Variants in TMEM106B observed in about 807,000 individuals in gnomAD.
TMEM106B encodes transmembrane protein 106B.
TMEM106B carries 15 observed loss-of-function variants against 31.1 expected under a neutral mutation model. That is an observed-to-expected ratio of 0.48 (90% CI 0.32 to 0.74). TMEM106B has a LOEUF of 0.74. Ranked by LOEUF, TMEM106B falls within the 30% of genes least tolerant of loss-of-function variation. TMEM106B has a pLI of 0.03. For synonymous variants in TMEM106B, 126 were observed against 112.5 expected (o/e 1.12, Z -0.76); for missense variants, 283 against 327.3 (o/e 0.86, Z 1.04).
chr7:12,229,737 C>T lies in TMEM106B; in HGVS notation c.500C>T (p.Ala167Val). 6.2e-7 allele frequency: 1 copy of T among 1,612,970 alleles called. No homozygotes were observed. Among genetic ancestry groups the T allele is most frequent in the Non-Finnish European group, 8.5e-7 (1 of 1,179,478 alleles). Residue 167 changes from alanine (A) to valine (V), a missense_variant, in exon 5 of 8, where the codon GCC (alanine) becomes GTC (valine). Ala to Val is a moderately conservative substitution (Grantham distance 64). This residue lies in a region of TMEM106B where 201 missense variants were observed against 211.5 expected (regional missense o/e 0.95). Transcript: ENST00000396668. ...YYSVEVENIT[A>V]QVQFSKTVIG... ...TCTGTCGAAGTTGAAAACATCACTG[C>T]CCAAGTTCAATTTTCAAAAACAGTT...
intron 2 of TMEM106B, among the ~76,000 whole-genome samples, chr7:12,218,186 C>T (rs1009846496): frequency 2.6e-5 from 4 of 151,408 alleles, no homozygotes; most frequent in African/African-American, 9.7e-5. Context: ...CTTCTGAAAG[C>T]TAGGACTTAG....
In TMEM106B at chr7:12,242,038, G is replaced by A. The variant is rs1170390505; in HGVS notation, c.*10063G>A. On this transcript the variant is annotated 3_prime_UTR_variant, in exon 8 of 8. Coordinates refer to ENST00000396668, the MANE Select transcript of TMEM106B (RefSeq NM_001134232.2). Reference sequence around the variant, plus strand: ...TTTCATGTTTGTTGGCTGCATAAATGTCTTCTTTTGAGAAGTGTAAGGTAC... The same window carrying A: ...TTTCATGTTTGTTGGCTGCATAAATATCTTCTTTTGAGAAGTGTAAGGTAC... The A allele has an allele frequency of 2.0e-5, 3 of 151,990 alleles. No homozygotes were observed. The South Asian group carries it at 6.2e-4, about 32-fold the overall frequency. 9.4% of individuals were successfully genotyped at this position (151,990 alleles called of 1,614,324 possible).
At chr7:12,216,989 G>A (rs750194710) in intron 2 of TMEM106B, among the ~76,000 whole-genome samples, 3 of 151,696 alleles carry the variant, frequency 2.0e-5, no homozygotes, top group African/African-American at 4.8e-5. Context: ...AGAGAAGAGA[G>A]GTAGTCATTA....
rs1379873762 is a variant in TMEM106B, at chr7:12,235,931, AGAG to A, written c.*3957_*3959del. The A allele has an allele frequency of 6.6e-6, 1 of 151,840 alleles. No homozygotes were observed. 9.4% of individuals were successfully genotyped at this position (151,840 alleles called of 1,614,324 possible). A position where few individuals can be genotyped will look rare whatever the true frequency, so the allele number is the denominator to read the frequency against. Reference sequence around the variant, plus strand: ...CAACTACTTGGCTCAAGTACATATAAGAGTAATTAGTTTTATTCTCTCTTTTTT... The same window carrying A: ...CAACTACTTGGCTCAAGTACATATAATAATTAGTTTTATTCTCTCTTTTTT... On this transcript the variant is annotated 3_prime_UTR_variant, in exon 8 of 8. Transcript: ENST00000396668.
intron 7 of TMEM106B, chr7:12,231,406 C>G (rs1295479564): frequency 3.3e-6 from 1 of 305,342 alleles, no homozygotes; most frequent in Non-Finnish European, 6.0e-6. Flanking sequence ...ACTCCCTTGA[C>G]AAATAGTCAT....
chr7:12,230,892 C>T (rs1161566032), intron 6 of TMEM106B, 170 bp from the exon 7 acceptor site: 8 of 494,684 alleles, frequency 1.6e-5, no homozygotes, highest in Non-Finnish European at 2.5e-5. Flanking sequence ...ACATGTTTTT[C>T]GAGTAAGAAG....
intron 4 of TMEM106B, among the ~76,000 whole-genome samples, chr7:12,224,889 T>C (rs1213876096): frequency 6.6e-6 from 1 of 152,094 alleles, no homozygotes; most frequent in African/African-American, 2.4e-5. Flanking sequence ...TTTTTAATTA[T>C]TAAGTTCTAG....
rs538243657 is a variant in TMEM106B at position 12,218,104 on chromosome 7, A to G, written c.218-354A>G. Among the ~76,000 whole-genome samples the G allele has an allele frequency of 5.3e-5, 8 of 152,310 alleles. No homozygotes were observed. The South Asian group carries it at 6.2e-4, about 12-fold the overall frequency. The stretch of plus-strand genomic sequence containing the variant: ...GCGATACCAATATGTTTCTTCTTTT[A>G]TCATCCAGACAACCAAATCAGAGTC... On this transcript the variant is annotated intron_variant, in intron 2 of 7. Transcript: ENST00000396668.
intron 2 of TMEM106B, among the ~76,000 whole-genome samples, chr7:12,217,285 A>G (rs994235593): frequency 3.9e-5 from 6 of 152,202 alleles, no homozygotes; most frequent in Admixed American, 1.3e-4. Context: ...AGGTAGGTGG[A>G]TAGATCTGAT....
chr7:12,227,562 C>T (rs1315250300), intron 4 of TMEM106B, among the ~76,000 whole-genome samples: 1 of 135,882 alleles, frequency 7.4e-6, no homozygotes, highest in Non-Finnish European at 1.6e-5. Flanking sequence ...TTTACATGAT[C>T]ATATTATAAT....
At chr7:12,230,750 G>A (rs189937008) in intron 6 of TMEM106B, 7 of 309,590 alleles carry the variant, frequency 2.3e-5, no homozygotes, top group Non-Finnish European at 1.7e-5. Context: ...ATCATCTTTT[G>A]AATAAGCGTA....
Position 12,237,870 on chromosome 7 carries a change from T to C in TMEM106B, c.*5895T>C, listed in dbSNP as rs1471818629. ...ACACACACACACTATTGCTAAAAAA[T>C]GTTAACGATCATCTGAATGTTCAGA... On this transcript the variant is annotated 3_prime_UTR_variant, in exon 8 of 8. Transcript: ENST00000396668. 1 of 149,284 alleles carries C rather than the reference T, an allele frequency of 6.7e-6. No individual in the cohort carries two copies. Among genetic ancestry groups the C allele is most frequent in the Non-Finnish European group, 1.5e-5 (1 of 67,772 alleles). The allele number at this position is 149,284 out of a possible 1,614,324, so 9.2% of individuals were successfully genotyped here. A position where few individuals can be genotyped will look rare whatever the true frequency, so the allele number is the denominator to read the frequency against.
rs1386038962 is a variant in TMEM106B, at chr7:12,235,488, A to G, written c.*3513A>G. Reference sequence around the variant, plus strand: ...ACACACTTCAGATTGTCTGATTTACAGTTTGGAAAGGACACCGCAATGTTC... The same window carrying G: ...ACACACTTCAGATTGTCTGATTTACGGTTTGGAAAGGACACCGCAATGTTC... On this transcript the variant is annotated 3_prime_UTR_variant, in exon 8 of 8. Coordinates refer to ENST00000396668, the MANE Select transcript of TMEM106B (RefSeq NM_001134232.2). 1.3e-5 allele frequency: 2 copies of G among 151,896 alleles called. No individual in the cohort carries two copies. Among genetic ancestry groups the G allele is most frequent in the Non-Finnish European group, 2.9e-5 (2 of 67,822 alleles). The allele number at this position is 151,896 out of a possible 1,614,324, so 9.4% of individuals were successfully genotyped here.
Position 12,241,144 on chromosome 7 carries a change from G to A in TMEM106B, c.*9169G>A, listed in dbSNP as rs1337401900. On this transcript the variant is annotated 3_prime_UTR_variant, in exon 8 of 8. Coordinates refer to ENST00000396668, the MANE Select transcript of TMEM106B (RefSeq NM_001134232.2). ...CACTGATTTCTTATTTTCATTTCATGAATTTCAGATTCATGAATGGAATAT... is the reference window on the plus strand; with the variant it reads ...CACTGATTTCTTATTTTCATTTCATAAATTTCAGATTCATGAATGGAATAT... 4 of 151,998 alleles carry A rather than the reference G, an allele frequency of 2.6e-5. No homozygotes were observed. The highest frequency in any genetic ancestry group is 5.9e-5 in the Non-Finnish European group (4 of 67,994). 9.4% of individuals were successfully genotyped at this position (151,998 alleles called of 1,614,324 possible).
chr7:12,230,636 T>C (rs1562709337), intron 6 of TMEM106B, 198 bp downstream of exon 6: 1 of 405,690 alleles, frequency 2.5e-6, no homozygotes, highest in African/African-American at 2.1e-5. Context: ...AAATTTGTTT[T>C]TTTATTTATT....
chr7:12,228,276 C>T (rs1397350556), intron 4 of TMEM106B, among the ~76,000 whole-genome samples: 1 of 151,798 alleles, frequency 6.6e-6, no homozygotes, highest in African/African-American at 2.4e-5. Context: ...TCTCCTTCAA[C>T]TCATCCCATA....
chr7:12,231,945 A>T lies in TMEM106B; in HGVS notation c.795A>T (p.Glu265Asp). The T allele has an allele frequency of 6.2e-7, 1 of 1,612,138 alleles. No individual in the cohort carries two copies. Among genetic ancestry groups the T allele is most frequent in the Non-Finnish European group, 8.5e-7 (1 of 1,178,672 alleles). The change falls in exon 8 of 8, where the codon GAA (glutamate) becomes GAT (aspartate). Residue 265 changes from glutamate (E) to aspartate (D), a missense_variant. Glu to Asp is a conservative substitution (Grantham distance 45). Coordinates refer to ENST00000396668, the MANE Select transcript of TMEM106B (RefSeq NM_001134232.2). Reference sequence around the variant, plus strand: ...CAACTTATCAGTTGGGGCAGTCTGAATATTTAAATGTACTTCAGCCACAAC... The same window carrying T: ...CAACTTATCAGTTGGGGCAGTCTGATTATTTAAATGTACTTCAGCCACAAC... ...RNTTYQLGQS[E>D]YLNVLQPQQ
At position 12,239,939 on chromosome 7, in the gene TMEM106B, A is replaced by G. The variant is rs1045669409; in HGVS notation, c.*7964A>G. 6.6e-6 allele frequency: 1 copy of G among 152,226 alleles called. No homozygotes were observed. Among genetic ancestry groups the G allele is most frequent in the African/African-American group, 2.4e-5 (1 of 41,478 alleles). The allele number at this position is 152,226 out of a possible 1,614,324, so 9.4% of individuals were successfully genotyped here. ...CATGCTGTTGAAAAAAATGGCACTC[A>G]TAGACTTGTTGGACACAGGATTGAA... On this transcript the variant is annotated 3_prime_UTR_variant, in exon 8 of 8. Coordinates refer to ENST00000396668, the MANE Select transcript of TMEM106B (RefSeq NM_001134232.2).
rs1781605075 is a variant in TMEM106B, at chr7:12,212,728, A to T, written c.-3+1303A>T. 1.3e-5 allele frequency among the ~76,000 whole-genome samples: 2 copies of T among 152,170 alleles called. 1 individual carries two copies. The highest frequency in any genetic ancestry group is 4.1e-4 in the South Asian group (2 of 4,830). On this transcript the variant is annotated intron_variant, in intron 1 of 7. Coordinates refer to ENST00000396668, the MANE Select transcript of TMEM106B (RefSeq NM_001134232.2). ...GAGCCCTTAGTGCATCCAGCACTGG[A>T]GCAACACACATTGTACCCACCAAGC...
Sources: gnomAD v4.1 joint callset for allele counts (sites outside exome capture counted in the v4.1 genomes callset) on GRCh38, gnomAD v4.1.1 for gene constraint, gnomAD v4.1.1 regional missense constraint, MANE v1.5 for transcripts, NCBI Gene and HGNC (gene_info 2026-07-23, HGNC 2026-07-21) for gene names.